GLMN: variants seen among roughly 807,000 people sequenced by gnomAD.
GLMN encodes the protein glomulin.
Under a neutral mutation model 87.8 loss-of-function variants are expected in GLMN, and 75 were observed. The observed-to-expected ratio is 0.85, with a 90% CI of 0.71 to 1.04. The LOEUF (loss-of-function observed/expected upper bound fraction) is 1.04, where lower values mean the gene tolerates loss of function less well. GLMN is among the 50% of genes least tolerant of loss of function. GLMN has a pLI of 0.00. For missense variants in GLMN, 588 were observed against 658.8 expected (o/e 0.89, Z 1.18); for synonymous variants, 206 against 221.6 (o/e 0.93, Z 0.63).
chr1:92,341,715 G>A, the GLMN span, among the ~76,000 whole-genome samples: 1 of 152,156 alleles, frequency 6.6e-6, no homozygotes, highest in Admixed American at 6.5e-5. Flanking sequence ...CATAATCTTG[G>A]CTCACTGCAA....
chr1:92,304,168 A>G, the GLMN span: 1 of 1,194,936 alleles, frequency 8.4e-7, no homozygotes, highest in Admixed American at 2.0e-5. Flanking sequence ...ACCTAAGGTC[A>G]TGAACTAAAG....
At chr1:92,268,915 C>CTTT (rs10706669) in intron 9 of GLMN, among the ~76,000 whole-genome samples, 5 of 120,478 alleles carry the variant, frequency 4.2e-5, no homozygotes, top group Non-Finnish European at 7.0e-5. Flanking sequence ...CTGTAATTTC[C>CTTT]TTTTTTTTTT....
chr1:92,356,504 C>T, the GLMN span, among the ~76,000 whole-genome samples: 10 of 151,882 alleles, frequency 6.6e-5, no homozygotes, highest in South Asian at 2.1e-4. Context: ...CTGCAACCTC[C>T]GCCTCCTGGG....
the GLMN span, among the ~76,000 whole-genome samples, chr1:92,331,467 C>T: frequency 1.3e-5 from 2 of 152,086 alleles, no homozygotes; most frequent in Admixed American, 1.3e-4. Flanking sequence ...TTTTTAGCCT[C>T]TGTTAAATTG....
At chr1:92,265,092 C>T (rs1377927352) in intron 13 of GLMN, among the ~76,000 whole-genome samples, 4 of 152,166 alleles carry the variant, frequency 2.6e-5, no homozygotes, top group Non-Finnish European at 5.9e-5. Flanking sequence ...CCGCCTGCCT[C>T]AGCCTCCCAA....
chr1:92,347,902 G>C, the GLMN span, among the ~76,000 whole-genome samples: 1 of 152,012 alleles, frequency 6.6e-6, no homozygotes, highest in Non-Finnish European at 1.5e-5. Flanking sequence ...TTTCATATTG[G>C]GCAATCAATC....
At chr1:92,283,245 G>A (rs908976878) in intron 7 of GLMN, among the ~76,000 whole-genome samples, 2 of 152,038 alleles carry the variant, frequency 1.3e-5, no homozygotes. Context: ...ACCGAATCCA[G>A]CAGCACATCA....
the GLMN span, among the ~76,000 whole-genome samples, chr1:92,368,104 G>A: frequency 6.6e-6 from 1 of 152,138 alleles, no homozygotes; most frequent in African/African-American, 2.4e-5. Context: ...AGACAATAGG[G>A]ACCAGAATGG....
intron 16 of GLMN, among the ~76,000 whole-genome samples, chr1:92,260,510 G>A (rs1173464270): frequency 6.6e-6 from 1 of 151,994 alleles, no homozygotes; most frequent in African/African-American, 2.4e-5. Flanking sequence ...AGCTACTCGG[G>A]AGACTGAGGC....
At chr1:92,251,610 T>A (rs1653504175) in intron 16 of GLMN, among the ~76,000 whole-genome samples, 1 of 152,128 alleles carries the variant, frequency 6.6e-6, no homozygotes, top group Non-Finnish European at 1.5e-5. Flanking sequence ...TATTAAAATT[T>A]CTGTTCTTTG....
At chr1:92,301,450 G>T (rs1423547680), upstream of GLMN, 2 of 1,236,268 alleles carry the variant, frequency 1.6e-6, no homozygotes, top group Admixed American at 3.9e-5. Flanking sequence ...CTTTTAAGTA[G>T]ATTAAGTTTC....
rs1407613546 is a variant in GLMN, at chr1:92,296,878, G to C, written c.165+526C>G. Among the ~76,000 whole-genome samples, 47 of 152,160 alleles carry C rather than the reference G, an allele frequency of 3.1e-4. 1 individual carries two copies. The highest frequency in any genetic ancestry group is 3.0e-3 in the Admixed American group (46 of 15,278). Reference sequence around the variant, plus strand: ...TTTCCATACACATTTGGCTGGAGGAGAATGGGCTGATCACCCAAAATGAAT... The same window carrying C: ...TTTCCATACACATTTGGCTGGAGGACAATGGGCTGATCACCCAAAATGAAT... On this transcript the variant is annotated intron_variant, in intron 3 of 18. Coordinates refer to ENST00000370360, the MANE Select transcript of GLMN (RefSeq NM_053274.3).
chr1:92,262,678 A>G (rs1284936094), intron 16 of GLMN, among the ~76,000 whole-genome samples, 185 bp downstream of exon 16: 1 of 152,232 alleles, frequency 6.6e-6, no homozygotes, highest in Non-Finnish European at 1.5e-5. Context: ...AGGGAAAGGA[A>G]AGCTGGATGT....
chr1:92,296,477 G>A (rs1405856506), intron 3 of GLMN, among the ~76,000 whole-genome samples: 2 of 152,144 alleles, frequency 1.3e-5, no homozygotes, highest in Non-Finnish European at 2.9e-5. Context: ...AAAACCATCA[G>A]ACCTGGTGAG....
At position 92,271,726 on chromosome 1, in the gene GLMN, C is replaced by T. The variant is rs1656263986; in HGVS notation, c.736-74G>A. The T allele has an allele frequency of 1.1e-5, 11 of 986,228 alleles. No individual in the cohort carries two copies. The South Asian group carries it at 1.4e-4, about 13-fold the overall frequency. 61.1% of individuals were successfully genotyped at this position (986,228 alleles called of 1,614,324 possible). A position where few individuals can be genotyped will look rare whatever the true frequency, so the allele number is the denominator to read the frequency against. ...CCCCCCACCCCGTGTATTCAAACTC[C>T]ACATTCTCACCAAGGGGAGGTGTAA... is the stretch of plus-strand genomic sequence containing the variant. On this transcript the variant is annotated intron_variant, in intron 7 of 18. Coordinates refer to ENST00000370360, the MANE Select transcript of GLMN (RefSeq NM_053274.3).
At chr1:92,253,273 G>A (rs1218039354) in intron 16 of GLMN, among the ~76,000 whole-genome samples, 1 of 152,130 alleles carries the variant, frequency 6.6e-6, no homozygotes, top group African/African-American at 2.4e-5. Context: ...CTCCAGTCAG[G>A]GGCTTATAGA....
chr1:92,360,412 C>T, the GLMN span, among the ~76,000 whole-genome samples: 3 of 152,150 alleles, frequency 2.0e-5, no homozygotes, highest in African/African-American at 7.2e-5. Context: ...CAAATGCCGA[C>T]TACTCTTTTC....
intron 1 of GLMN, 78 bp from the exon 2 acceptor site, chr1:92,298,107 A>C: frequency 1.4e-6 from 1 of 720,000 alleles, no homozygotes; most frequent in Non-Finnish European, 2.5e-6. Flanking sequence ...AGTGTGATAA[A>C]TTATTAGTAA....
chr1:92,299,156 A>C, upstream of GLMN: 1 of 1,494,720 alleles, frequency 6.7e-7, no homozygotes, highest in South Asian at 1.3e-5. Context: ...GGTAGGAGCA[A>C]GGATCTCTTC....
Sources: allele counts gnomAD v4.1 joint callset (sites outside exome capture counted in the v4.1 genomes callset), GRCh38; gene constraint gnomAD v4.1.1; transcripts MANE v1.5; gene names NCBI Gene and HGNC (gene_info 2026-07-23, HGNC 2026-07-21).